HTT: variants seen among roughly 807,000 people sequenced by gnomAD.
HTT encodes huntington disease protein.
HTT carries 104 observed loss-of-function variants against 362.3 expected under a neutral mutation model. The observed-to-expected ratio is 0.29, with a 90% CI of 0.24 to 0.34. The LOEUF (loss-of-function observed/expected upper bound fraction) is 0.34, where lower values mean the gene tolerates loss of function less well. Ranked by LOEUF, HTT falls within the 10% of genes least tolerant of loss-of-function variation. HTT has a pLI of 1.00. For missense variants in HTT, 3,301 were observed against 3,928.6 expected (o/e 0.84, Z 4.27); for synonymous variants, 1,577 against 1,548.7 (o/e 1.02, Z -0.43).
At chr4:3,232,648 C>G (rs1314063271) in intron 60 of HTT, among the ~76,000 whole-genome samples, 2 of 152,224 alleles carry the variant, frequency 1.3e-5, no homozygotes, top group African/African-American at 2.4e-5. Flanking sequence ...ACAAAATCAG[C>G]AAAGAAAATT....
chr4:3,199,819 A>G lies in HTT; in HGVS notation c.5456A>G (p.Asn1819Ser), dbSNP rs1719448404. 2 of 1,614,148 alleles carry G rather than the reference A, an allele frequency of 1.2e-6. No homozygotes were observed. The highest frequency in any genetic ancestry group is 2.2e-5 in the South Asian group (2 of 91,072). The change falls in exon 41 of 67, where the codon AAC (asparagine) becomes AGC (serine). Residue 1819 changes from asparagine to serine, a missense_variant. Asn to Ser is a conservative substitution (Grantham distance 46). Transcript: ENST00000355072. ...GGSFYTLDSLNLRARSMITTH... is the reference protein window; with the variant it reads ...GGSFYTLDSLSLRARSMITTH... ...AGTTTCTACACCCTGGACAGCTTGA[A>G]CTTGCGGGCTCGTTCCATGATCACC...
chr4:3,095,495 C>G (rs781129514), intron 2 of HTT, among the ~76,000 whole-genome samples: 1 of 152,192 alleles, frequency 6.6e-6, no homozygotes, highest in Non-Finnish European at 1.5e-5. Flanking sequence ...AGCCTTGGCT[C>G]GGCATCAGAG....
At chr4:3,113,904 G>T (rs959813517) in intron 6 of HTT, among the ~76,000 whole-genome samples, 2 of 152,090 alleles carry the variant, frequency 1.3e-5, no homozygotes, top group African/African-American at 4.8e-5. Context: ...GCCGAGACCA[G>T]CTCAGTCGGG....
chr4:3,106,530 C>T (rs1228807245), intron 5 of HTT, among the ~76,000 whole-genome samples: 1 of 152,214 alleles, frequency 6.6e-6, no homozygotes, highest in Non-Finnish European at 1.5e-5. Flanking sequence ...AAGAATATAA[C>T]TGGGTCTTGT....
At position 3,121,351 on chromosome 4, in the gene HTT, G is replaced by A; in HGVS notation, c.1192G>A (p.Val398Ile). ...PPELLQTLTA[V>I]GGIGQLTAAK... The stretch of plus-strand genomic sequence containing the variant: ...CGAGCTTCTGCAAACCCTGACCGCA[G>A]TCGGGGGCATTGGGCAGCTCACCGC... The change falls in exon 9 of 67, where the codon GTC (valine) becomes ATC (isoleucine). Residue 398 changes from valine (V) to isoleucine (I), a missense_variant. This residue lies in a region of HTT where 2,316 missense variants were observed against 2,658.5 expected (regional missense o/e 0.87). Coordinates refer to ENST00000355072, the MANE Select transcript of HTT (RefSeq NM_001388492.1). 3 of 1,614,186 alleles carry A rather than the reference G, an allele frequency of 1.9e-6. No homozygotes were observed. The highest frequency in any genetic ancestry group is 2.5e-6 in the Non-Finnish European group (3 of 1,180,028).
At chr4:3,153,380 T>TA (rs1316255367) in intron 26 of HTT, among the ~76,000 whole-genome samples, 1 of 152,318 alleles carries the variant, frequency 6.6e-6, no homozygotes, top group African/African-American at 2.4e-5. Flanking sequence ...AGTGAGTAAG[T>TA]AGCAGAGCTA....
In HTT at chr4:3,132,918, A is replaced by G. The variant is rs1173710132; in HGVS notation, c.2493+7A>G. On this transcript the variant is annotated splice_region_variant and intron_variant, in intron 18 of 66. Coordinates refer to ENST00000355072, the MANE Select transcript of HTT (RefSeq NM_001388492.1). ...AGCTTGTACAGCTGTGAGGGTGAGC[A>G]TAATCTTCTGTGGAACCATTTCTTC... 1 of 1,587,688 alleles carries G rather than the reference A, an allele frequency of 6.3e-7. No homozygotes were observed. Among genetic ancestry groups the G allele is most frequent in the Non-Finnish European group, 8.7e-7 (1 of 1,156,048 alleles).
In HTT at chr4:3,131,655, G is replaced by T; in HGVS notation, c.2116G>T (p.Asp706Tyr). Reference protein sequence around the residue: ...GGKNVLVPDRDVRVSVKALAL... With the variant: ...GGKNVLVPDRYVRVSVKALAL... The stretch of plus-strand genomic sequence containing the variant: ...CTTGGCAGTGCTGGTTCCGGACAGG[G>T]ATGTGAGGGTCAGCGTGAAGGCCCT... Residue 706 changes from aspartate (D) to tyrosine (Y), a missense_variant, in exon 16 of 67, where the codon GAT (aspartate) becomes TAT (tyrosine). Physicochemically the swap from Asp to Tyr is radical, Grantham distance 160. Transcript: ENST00000355072. 1 of 1,613,904 alleles carries T rather than the reference G, an allele frequency of 6.2e-7. No homozygotes were observed. Among genetic ancestry groups the T allele is most frequent in the East Asian group, 2.2e-5 (1 of 44,878 alleles).
chr4:3,128,080 G>A (rs1715608760), intron 12 of HTT, among the ~76,000 whole-genome samples: 1 of 151,938 alleles, frequency 6.6e-6, no homozygotes, highest in South Asian at 2.1e-4. Flanking sequence ...TTACAGGTGG[G>A]CACCACCACA....
intron 57 of HTT, among the ~76,000 whole-genome samples, chr4:3,226,133 T>C (rs4690078): frequency 3.3e-5 from 5 of 151,434 alleles, no homozygotes; most frequent in African/African-American, 1.2e-4. Flanking sequence ...AGGGCCATGG[T>C]ATGGGGGGCC....
intron 2 of HTT, among the ~76,000 whole-genome samples, chr4:3,088,526 C>A (rs1264905249): frequency 6.6e-6 from 1 of 152,184 alleles, no homozygotes; most frequent in Non-Finnish European, 1.5e-5. Context: ...CTGTCTTAAC[C>A]ATTTTTAGGG....
Position 3,235,547 on chromosome 4 carries a change from G to A in HTT, c.8572-18G>A, listed in dbSNP as rs1211807721. 2 of 1,608,222 alleles carry A rather than the reference G, an allele frequency of 1.2e-6. No individual in the cohort carries two copies. The highest frequency in any genetic ancestry group is 1.3e-5 in the African/African-American group (1 of 74,780). On this transcript the variant is annotated intron_variant, in intron 62 of 66. Transcript: ENST00000355072. ...TGTGCAGCGATTCTTTGACACAGAGGCCTTTCTCCCTGTGCAGATGTGTGG... is the reference window on the plus strand; with the variant it reads ...TGTGCAGCGATTCTTTGACACAGAGACCTTTCTCCCTGTGCAGATGTGTGG...
chr4:3,084,623 G>C (rs140652927), intron 1 of HTT, among the ~76,000 whole-genome samples: 1 of 151,748 alleles, frequency 6.6e-6, no homozygotes, highest in African/African-American at 2.4e-5. Context: ...CCGAGGGGCA[G>C]AGGTTGCAGT....
chr4:3,078,208 G>C (rs765460601), intron 1 of HTT, among the ~76,000 whole-genome samples: 2 of 152,156 alleles, frequency 1.3e-5, no homozygotes, highest in Non-Finnish European at 2.9e-5. Context: ...ATTCCTATCT[G>C]GTGTTTCCCT....
intron 21 of HTT, 44 bp downstream of exon 21, chr4:3,136,370 A>G (rs1716065628): frequency 1.0e-6 from 1 of 995,336 alleles, no homozygotes; most frequent in Non-Finnish European, 1.6e-6. Flanking sequence ...TGGTTGAAGT[A>G]CTAAAAGATA....
intron 66 of HTT, 51 bp from the exon 67 acceptor site, chr4:3,239,795 G>C (rs1260854048): frequency 7.3e-7 from 1 of 1,379,066 alleles, no homozygotes; most frequent in East Asian, 2.5e-5. Flanking sequence ...TGAGGACAGG[G>C]AGGCAGCATT....
intron 57 of HTT, among the ~76,000 whole-genome samples, chr4:3,226,842 G>C (rs1215065404): frequency 6.6e-6 from 1 of 152,340 alleles, no homozygotes; most frequent in South Asian, 2.1e-4. Context: ...GTGCCTGCCG[G>C]TTTCAGTGAC....
chr4:3,132,492 A>T, intron 16 of HTT, 70 bp from the exon 17 acceptor site: 1 of 1,317,310 alleles, frequency 7.6e-7, no homozygotes, highest in Non-Finnish European at 1.1e-6. Context: ...CCTGAGAATT[A>T]AGCTTTTGTT....
intron 27 of HTT, among the ~76,000 whole-genome samples, chr4:3,155,201 CTATTTATT>C (rs202108471): frequency 7.9e-5 from 12 of 151,512 alleles, no homozygotes; most frequent in Non-Finnish European, 1.6e-4. Flanking sequence ...TATATCAAGG[CTATTTATT>C]TATTTATTTA....
Sources: allele counts gnomAD v4.1 joint callset (sites outside exome capture counted in the v4.1 genomes callset), GRCh38; gene constraint gnomAD v4.1.1; regional missense constraint gnomAD v4.1.1; transcripts MANE v1.5; gene names NCBI Gene and HGNC (gene_info 2026-07-23, HGNC 2026-07-21).